The following RYK variants were observed in gnomAD, a reference collection of about 807,000 sequenced individuals.
RYK encodes inactive tyrosine-protein kinase RYK.
Under a neutral mutation model 70.2 loss-of-function variants are expected in RYK, and 21 were observed. That is an observed-to-expected ratio of 0.30 (90% confidence interval 0.21 to 0.43). RYK has a LOEUF of 0.43. Among genes scored for constraint, RYK ranks in the 20% least tolerant of loss-of-function variants. The probability of loss-of-function intolerance (pLI) is 1.00; values close to 1 mark genes in which losing one functional copy is unlikely to be tolerated. For synonymous variants in RYK, 267 were observed against 278.0 expected (o/e 0.96, Z 0.39); for missense variants, 604 against 753.3 (o/e 0.80, Z 2.32).
chr3:134,167,783 TTAAAC>T (rs951803347), intron 13 of RYK, among the ~76,000 whole-genome samples: 7 of 152,114 alleles, frequency 4.6e-5, no homozygotes, highest in Non-Finnish European at 1.0e-4. Context: ...TGGGATCTAA[TTAAAC>T]TAAAGAGCTT....
At chr3:134,228,041 G>A (rs2014956753) in intron 1 of RYK, among the ~76,000 whole-genome samples, 1 of 152,226 alleles carries the variant, frequency 6.6e-6, no homozygotes, top group Non-Finnish European at 1.5e-5. Flanking sequence ...AATAATCCCA[G>A]TGTGTGGGAG....
At chr3:134,224,075 TG>T (rs1449736700) in intron 1 of RYK, among the ~76,000 whole-genome samples, 1 of 152,136 alleles carries the variant, frequency 6.6e-6, no homozygotes, top group African/African-American at 2.4e-5. Flanking sequence ...TTTTTCTCCT[TG>T]TGTGCGGAGC....
At position 134,203,105 on chromosome 3, in the gene RYK, G is replaced by A. The variant is rs138199750; in HGVS notation, c.644-231C>T. Reference sequence around the variant, plus strand: ...CTCACGCCTGTAATCCCAGCACTTCGGGAGGCCAAGGCAGGTGGATCACCT... The same window carrying A: ...CTCACGCCTGTAATCCCAGCACTTCAGGAGGCCAAGGCAGGTGGATCACCT... On this transcript the variant is annotated intron_variant, in intron 5 of 14. Transcript: ENST00000623711. 4.6e-3 allele frequency among the ~76,000 whole-genome samples: 700 copies of A among 152,202 alleles called. 2 individuals carry two copies. Among genetic ancestry groups the A allele is most frequent in the African/African-American group, 0.016 (669 of 41,502 alleles).
chr3:134,185,135 AAATT>A (rs1431736913), intron 9 of RYK, among the ~76,000 whole-genome samples: 6 of 111,238 alleles, frequency 5.4e-5, no homozygotes, highest in African/African-American at 1.8e-4. Flanking sequence ...CCCCATCTAT[AAATT>A]AATTAATTAA....
At chr3:134,181,662 C>T (rs1284162374) in intron 10 of RYK, 2 of 152,136 alleles carry the variant, frequency 1.3e-5, no homozygotes, top group Non-Finnish European at 2.9e-5. Flanking sequence ...CATCTTCCAA[C>T]AGAGATAACC....
intron 10 of RYK, chr3:134,179,811 G>T (rs533893999): frequency 1.3e-5 from 2 of 152,130 alleles, no homozygotes. Context: ...TTCTTTCTTT[G>T]TGACTGAAAT....
intron 1 of RYK, among the ~76,000 whole-genome samples, chr3:134,231,270 G>C (rs762880559): frequency 6.6e-6 from 1 of 151,016 alleles, no homozygotes; most frequent in Non-Finnish European, 1.5e-5. Context: ...TCGTGGTTTT[G>C]TTCTACTAGA....
intron 9 of RYK, among the ~76,000 whole-genome samples, chr3:134,188,382 G>T (rs927792648): frequency 6.6e-6 from 1 of 151,824 alleles, no homozygotes; most frequent in Non-Finnish European, 1.5e-5. Context: ...GGCTGGTCTC[G>T]AACTCCTGAC....
chr3:134,215,958 C>T (rs1305737218), intron 2 of RYK, among the ~76,000 whole-genome samples: 2 of 151,418 alleles, frequency 1.3e-5, no homozygotes, highest in South Asian at 2.1e-4. Context: ...ATCACTTGAA[C>T]CTGGGGGGCG....
At chr3:134,212,774 G>T (rs534447985) in intron 2 of RYK, among the ~76,000 whole-genome samples, 1 of 152,108 alleles carries the variant, frequency 6.6e-6, no homozygotes, top group East Asian at 1.9e-4. Flanking sequence ...TGGCCCTTAC[G>T]CTTGGGCTAA....
chr3:134,241,811 G>T (rs771174029), intron 1 of RYK, among the ~76,000 whole-genome samples: 60 of 152,106 alleles, frequency 3.9e-4, no homozygotes, highest in Non-Finnish European at 7.5e-4. Flanking sequence ...CACAACCTCA[G>T]CATCTCAGCT....
At chr3:134,199,513 T>G (rs2013919815) in intron 6 of RYK, among the ~76,000 whole-genome samples, 1 of 152,212 alleles carries the variant, frequency 6.6e-6, no homozygotes, top group Non-Finnish European at 1.5e-5. Context: ...TTATTTAATC[T>G]CTTCAAGCCT....
At chr3:134,226,115 G>A (rs2014905629) in intron 1 of RYK, among the ~76,000 whole-genome samples, 1 of 151,766 alleles carries the variant, frequency 6.6e-6, no homozygotes, top group Non-Finnish European at 1.5e-5. Flanking sequence ...TATTTGAAAA[G>A]ATTAATAAAA....
rs59588313 is a variant in RYK, at chr3:134,193,187, C to CT, written c.890-1214dup. 8.5e-3 allele frequency among the ~76,000 whole-genome samples: 1,227 copies of CT among 143,658 alleles called. 12 individuals are homozygous for CT. Among genetic ancestry groups the CT allele is most frequent in the African/African-American group, 0.022 (888 of 39,586 alleles). The allele number at this position is 143,658 out of a possible 152,430, so 94.2% of individuals were successfully genotyped here. Reference sequence around the variant, plus strand: ...AGATAAATAAATTTATTTCCCTTGACTTTTTTTTTTTTTTGAGACGGAGTC... The same window carrying CT: ...AGATAAATAAATTTATTTCCCTTGACTTTTTTTTTTTTTTTGAGACGGAGTC... On this transcript the variant is annotated intron_variant, in intron 7 of 14. Transcript: ENST00000623711.
At chr3:134,166,097 G>A (rs1331135039) in intron 13 of RYK, among the ~76,000 whole-genome samples, 8 of 152,250 alleles carry the variant, frequency 5.3e-5, no homozygotes, top group South Asian at 2.1e-4. Flanking sequence ...GTGGTGGACT[G>A]AATGTGTGTG....
chr3:134,162,655 C>A (rs149629312), intron 13 of RYK, among the ~76,000 whole-genome samples: 53 of 152,280 alleles, frequency 3.5e-4, no homozygotes, highest in Non-Finnish European at 6.6e-4. Flanking sequence ...ATCTTTAAAA[C>A]CTTACTGTAT....
At position 134,207,470 on chromosome 3, in the gene RYK, A is replaced by G; in HGVS notation, c.643+2T>C. ...GGATAAAGATAATACAGTAACACTTACAAATAGTTCTGCTAGTGTTTTTGT... is the reference window on the plus strand; with the variant it reads ...GGATAAAGATAATACAGTAACACTTGCAAATAGTTCTGCTAGTGTTTTTGT... On this transcript the variant is annotated splice_donor_variant, in intron 5 of 14. Transcript: ENST00000623711. LOFTEE classifies it high-confidence loss of function. 1 of 1,528,310 alleles carries G rather than the reference A, an allele frequency of 6.5e-7. No homozygotes were observed. The highest frequency in any genetic ancestry group is 8.8e-7 in the Non-Finnish European group (1 of 1,130,664). 94.7% of individuals were successfully genotyped at this position (1,528,310 alleles called of 1,614,324 possible). A position where few individuals can be genotyped will look rare whatever the true frequency, so the allele number is the denominator to read the frequency against.
chr3:134,184,429 A>G (rs541865053), intron 9 of RYK, among the ~76,000 whole-genome samples: 2 of 152,236 alleles, frequency 1.3e-5, no homozygotes, highest in Non-Finnish European at 2.9e-5. Context: ...AGTATAGAGG[A>G]ATTTCTCCAC....
chr3:134,224,219 T>C (rs1270142964), intron 1 of RYK, among the ~76,000 whole-genome samples: 2 of 152,068 alleles, frequency 1.3e-5, no homozygotes. Flanking sequence ...ATTTATTGTA[T>C]ACAAGGCAAG....
Sources: allele counts gnomAD v4.1 joint callset (sites outside exome capture counted in the v4.1 genomes callset), GRCh38; gene constraint gnomAD v4.1.1; transcripts MANE v1.5; gene names NCBI Gene and HGNC (gene_info 2026-07-23, HGNC 2026-07-21).